Variants in DNAH7 observed in about 807,000 individuals in gnomAD.
DNAH7 encodes the protein dynein axonemal heavy chain 7, also known as axonemal beta dynein heavy chain 7.
In DNAH7, 397 loss-of-function variants were observed where a neutral mutation model predicts 444.6. That is an observed-to-expected ratio of 0.89 (90% CI 0.82 to 0.97). The LOEUF is 0.97. Among genes scored for constraint, DNAH7 ranks in the 50% least tolerant of loss-of-function variants. The pLI, the probability that DNAH7 is intolerant of heterozygous loss-of-function variation, is 0.00. For synonymous variants in DNAH7, 1,636 were observed against 1,624.4 expected, an observed-to-expected ratio of 1.01 and a Z score of -0.17; for missense variants, 4,902 against 4,800.8, an observed-to-expected ratio of 1.02 and a Z score of -0.62.
intron 46 of DNAH7, among the ~76,000 whole-genome samples, chr2:195,851,865 T>A (rs948871004): frequency 6.6e-6 from 1 of 152,108 alleles, no homozygotes. Context: ...AAAATGTCAA[T>A]GTAGGAGAGT....
At chr2:195,813,347 T>A (rs1317236935) in intron 51 of DNAH7, among the ~76,000 whole-genome samples, 1 of 152,228 alleles carries the variant, frequency 6.6e-6, no homozygotes, top group Non-Finnish European at 1.5e-5. Context: ...CTCCTCTCGT[T>A]GAATATAAAC....
chr2:195,872,588 T>C (rs893234457), intron 39 of DNAH7, 119 bp from the exon 40 acceptor site: 1 of 541,656 alleles, frequency 1.8e-6, no homozygotes, highest in Admixed American at 3.5e-5. Flanking sequence ...CAATTTCATT[T>C]ATAAAATTAC....
At chr2:196,051,315 C>T in intron 2 of DNAH7, 66 bp from the exon 3 acceptor site, 1 of 1,204,770 alleles carries the variant, frequency 8.3e-7, no homozygotes, top group Non-Finnish European at 1.2e-6. Flanking sequence ...ATTCACTGAA[C>T]CAAATTTTAC....
chr2:195,778,629 A>T (rs183229171), intron 58 of DNAH7, among the ~76,000 whole-genome samples: 10,913 of 53,184 alleles, frequency 0.21, 1,742 homozygotes, highest in South Asian at 0.27. Flanking sequence ...AAAAAAAAAA[A>T]AAATAAATAA....
At chr2:195,828,209 T>C (rs917400246) in intron 48 of DNAH7, among the ~76,000 whole-genome samples, 9 of 152,146 alleles carry the variant, frequency 5.9e-5, no homozygotes, top group African/African-American at 1.4e-4. Context: ...TAATTCCCCA[T>C]TGTCTTAAGG....
chr2:195,921,137 T>C (rs951274257), intron 24 of DNAH7, among the ~76,000 whole-genome samples: 1 of 152,190 alleles, frequency 6.6e-6, no homozygotes, highest in Non-Finnish European at 1.5e-5. Flanking sequence ...ACAACCACTA[T>C]GGAAAACAAT....
At chr2:196,049,079 C>T (rs1559369411) in intron 3 of DNAH7, among the ~76,000 whole-genome samples, 1 of 152,114 alleles carries the variant, frequency 6.6e-6, no homozygotes, top group African/African-American at 2.4e-5. Context: ...TTCAACAAAC[C>T]CAGACAGTCG....
At chr2:195,740,166 T>C (rs1448677702) in intron 64 of DNAH7, among the ~76,000 whole-genome samples, 1 of 152,134 alleles carries the variant, frequency 6.6e-6, no homozygotes, top group Non-Finnish European at 1.5e-5. Context: ...GTATTTTCAG[T>C]AGAGACTGGG....
intron 61 of DNAH7, among the ~76,000 whole-genome samples, chr2:195,762,946 T>C (rs540799879): frequency 1.3e-5 from 2 of 152,192 alleles, no homozygotes; most frequent in South Asian, 4.1e-4. Flanking sequence ...AGCACGTGGA[T>C]CGTTCACATG....
rs761093539 is a variant in DNAH7 at position 195,816,845 on chromosome 2, T to C, written c.9544A>G (p.Ile3182Val). The change falls in exon 51 of 65, where the codon ATT becomes GTT. Residue 3182 changes from isoleucine (I) to valine (V), a missense_variant. Coordinates refer to ENST00000312428, the MANE Select transcript of DNAH7 (RefSeq NM_018897.3). ...LSSSKALANE[I>V]SQKQEVAEET... The stretch of plus-strand genomic sequence containing the variant: ...TCGGCTACTTCCTGCTTCTGAGAAA[T>C]CTCATTAGCCAAGGCCTTGGAGGAA... 2.5e-6 allele frequency: 4 copies of C among 1,614,156 alleles called. No individual in the cohort carries two copies. The South Asian group carries it at 4.4e-5, about 18-fold the overall frequency.
intron 58 of DNAH7, among the ~76,000 whole-genome samples, chr2:195,784,245 T>C (rs1259203849): frequency 6.6e-6 from 1 of 152,218 alleles, no homozygotes; most frequent in Non-Finnish European, 1.5e-5. Flanking sequence ...TCATCTGTGT[T>C]CTACCTATTC....
intron 15 of DNAH7, among the ~76,000 whole-genome samples, chr2:195,976,256 T>C (rs1165449552): frequency 6.6e-6 from 1 of 152,136 alleles, no homozygotes; most frequent in Non-Finnish European, 1.5e-5. Context: ...TGAAGAGCCC[T>C]TGGGCCTTAA....
intron 10 of DNAH7, among the ~76,000 whole-genome samples, chr2:196,007,267 A>G (rs1694434739): frequency 6.6e-6 from 1 of 152,178 alleles, no homozygotes; most frequent in African/African-American, 2.4e-5. Context: ...GCCCAGAAAT[A>G]AACCCTCCCA....
chr2:195,867,594 T>A (rs1422747617), intron 40 of DNAH7, among the ~76,000 whole-genome samples: 2 of 152,176 alleles, frequency 1.3e-5, no homozygotes, highest in African/African-American at 4.8e-5. Context: ...TACTTCTCAT[T>A]ACCACCAGCC....
intron 64 of DNAH7, among the ~76,000 whole-genome samples, chr2:195,738,960 C>T (rs2105867667): frequency 6.6e-6 from 1 of 152,230 alleles, no homozygotes; most frequent in African/African-American, 2.4e-5. Context: ...TCCAGATTTT[C>T]ATAAGGGGGA....
rs368782898 is a variant in DNAH7 at position 195,960,570 on chromosome 2, C to A, written c.2581G>T (p.Val861Phe). The part of the protein sequence containing the change: ...PRHWEAMSAI[V>F]GYPLQPSDDS... ...TCTGATGGCTGCAAAGGGTAACCAA[C>A]AATGGCAGACATGGCCTCCCAGTGC... Residue 861 changes from valine to phenylalanine, a missense_variant, in exon 18 of 65, where the codon GTT becomes TTT. Coordinates refer to ENST00000312428, the MANE Select transcript of DNAH7 (RefSeq NM_018897.3). 1.9e-5 allele frequency: 30 copies of A among 1,614,088 alleles called. No homozygotes were observed. In the African/African-American group the frequency reaches 4.0e-4, roughly 22 times the overall value.
At chr2:195,998,353 T>A (rs577482279) in intron 12 of DNAH7, among the ~76,000 whole-genome samples, 11 of 152,122 alleles carry the variant, frequency 7.2e-5, no homozygotes, top group South Asian at 2.1e-4. Context: ...GGTGGGCGGA[T>A]CACGAGGTCA....
intron 3 of DNAH7, among the ~76,000 whole-genome samples, chr2:196,048,606 C>T (rs1316378126): frequency 1.3e-5 from 2 of 152,148 alleles, no homozygotes; most frequent in Non-Finnish European, 2.9e-5. Flanking sequence ...AAAAGTCCTG[C>T]TGTTGGTTGG....
At chr2:195,887,231 T>C (rs1701759392) in intron 33 of DNAH7, among the ~76,000 whole-genome samples, 1 of 151,738 alleles carries the variant, frequency 6.6e-6, no homozygotes, top group South Asian at 2.1e-4. Flanking sequence ...TCGTTTATTA[T>C]TTGTATTATC....
Sources: gnomAD v4.1 joint callset for allele counts (sites outside exome capture counted in the v4.1 genomes callset) on GRCh38, gnomAD v4.1.1 for gene constraint, MANE v1.5 for transcripts, NCBI Gene and HGNC (gene_info 2026-07-23, HGNC 2026-07-21) for gene names.